Variants in RYR2 observed in about 807,000 individuals in gnomAD.
RYR2 encodes the protein cardiac muscle ryanodine receptor-calcium release channel.
RYR2 carries 227 observed loss-of-function variants against 601.1 expected under a neutral mutation model. That is an observed-to-expected ratio of 0.38 (90% CI 0.34 to 0.42). The LOEUF (loss-of-function observed/expected upper bound fraction) is 0.42, where lower values mean the gene tolerates loss of function less well. Ranked by LOEUF, RYR2 falls within the 10% of genes least tolerant of loss-of-function variation. The pLI is 1.00. For synonymous variants in RYR2, 2,223 were observed against 2,175.1 expected (o/e 1.02, Z -0.61); for missense variants, 4,646 against 6,156.5 (o/e 0.75, Z 8.21).
At chr1:237,781,725 A>G in intron 89 of RYR2, 79 bp downstream of exon 89, 1 of 673,396 alleles carries the variant, frequency 1.5e-6, no homozygotes. Context: ...ATCAGAGTGT[A>G]GCATAGAATA....
At chr1:237,455,223 C>T (rs895231964) in intron 15 of RYR2, among the ~76,000 whole-genome samples, 4 of 151,980 alleles carry the variant, frequency 2.6e-5, no homozygotes, top group Non-Finnish European at 5.9e-5. Context: ...TCAGGAGCTT[C>T]GTTGGAGACT....
chr1:237,094,144 T>C (rs1200976523), intron 1 of RYR2, among the ~76,000 whole-genome samples: 1 of 152,198 alleles, frequency 6.6e-6, no homozygotes, highest in Non-Finnish European at 1.5e-5. Flanking sequence ...GCTTTACAGA[T>C]AGAGGTGTTC....
chr1:237,674,060 T>A, intron 58 of RYR2, 36 bp from the exon 59 acceptor site: 1 of 1,570,728 alleles, frequency 6.4e-7, no homozygotes, highest in East Asian at 2.2e-5. Context: ...TCTTTTCAAA[T>A]TACTATGCTG....
chr1:237,363,934 C>G (rs1271587237), intron 4 of RYR2, among the ~76,000 whole-genome samples: 1 of 152,134 alleles, frequency 6.6e-6, no homozygotes, highest in African/African-American at 2.4e-5. Flanking sequence ...CTGTTTTAAT[C>G]TACTGTTTTT....
chr1:237,364,395 C>T (rs1700033280), intron 5 of RYR2, 23 bp downstream of exon 5: 1 of 1,382,282 alleles, frequency 7.2e-7, no homozygotes, highest in Non-Finnish European at 1.0e-6. Flanking sequence ...AATATATATG[C>T]TATGTATATA....
In RYR2 at chr1:237,678,094, A is replaced by T; in HGVS notation, c.8877A>T (p.Glu2959Asp). ...GAGAACATTTCCCTTATGAACAAGA[A>T]ATCAAGTTCTTTGCAAAAGTACAGT... is the stretch of plus-strand genomic sequence containing the variant. ...GKGEHFPYEQ[E>D]IKFFAKVVLP... is the part of the protein sequence containing the mutation. The change falls in exon 61 of 105, where the codon GAA becomes GAT. Residue 2959 changes from glutamate (E) to aspartate (D), a missense_variant. Physicochemically the swap from Glu to Asp is conservative, Grantham distance 45. This residue lies in a region of RYR2 where 1,497 missense variants were observed against 1,842.6 expected (regional missense o/e 0.81). Transcript: ENST00000366574. The T allele has an allele frequency of 6.3e-7, 1 of 1,598,098 alleles. No homozygotes were observed. Among genetic ancestry groups the T allele is most frequent in the Admixed American group, 1.7e-5 (1 of 59,376 alleles).
In RYR2 at chr1:237,631,728, C is replaced by T. The variant is rs202083224; in HGVS notation, c.6555+187C>T. Among the ~76,000 whole-genome samples, 22 of 144,096 alleles carry T rather than the reference C, an allele frequency of 1.5e-4. No homozygotes were observed. The East Asian group carries it at 3.8e-3, about 25-fold the overall frequency. 94.5% of individuals were successfully genotyped at this position (144,096 alleles called of 152,430 possible). A position where few individuals can be genotyped will look rare whatever the true frequency, so the allele number is the denominator to read the frequency against. ...CTGCAAGCTCCGCCTCCCGGGTTCA[C>T]GCCATTCTCCTGCCTCAGCCTCCCG... is the stretch of plus-strand genomic sequence containing the variant. On this transcript the variant is annotated intron_variant, in intron 42 of 104. Transcript: ENST00000366574.
At chr1:237,192,809 C>G (rs1180838712) in intron 1 of RYR2, among the ~76,000 whole-genome samples, 1 of 152,056 alleles carries the variant, frequency 6.6e-6, no homozygotes, top group Non-Finnish European at 1.5e-5. Flanking sequence ...AAATGTGCTT[C>G]TTCAATTAAT....
intron 1 of RYR2, among the ~76,000 whole-genome samples, chr1:237,155,561 G>A (rs1373683196): frequency 1.3e-5 from 2 of 152,108 alleles, no homozygotes; most frequent in African/African-American, 2.4e-5. Flanking sequence ...ACTAAAGGGA[G>A]ATACTTCCAG....
At chr1:237,794,018 G>A (rs776039484) in intron 95 of RYR2, 21 bp downstream of exon 95, 2 of 1,593,556 alleles carry the variant, frequency 1.3e-6, no homozygotes, top group South Asian at 1.1e-5. Flanking sequence ...AATTATATGA[G>A]ACTTTCTGCA....
chr1:237,622,248 C>T (rs1679153184), intron 38 of RYR2, among the ~76,000 whole-genome samples: 1 of 152,080 alleles, frequency 6.6e-6, no homozygotes, highest in South Asian at 2.1e-4. Context: ...GGTAAAGTTT[C>T]CCGCAGTTTA....
chr1:237,769,094 AAT>A (rs1450391070), intron 84 of RYR2, among the ~76,000 whole-genome samples: 2 of 152,224 alleles, frequency 1.3e-5, no homozygotes, highest in South Asian at 4.1e-4. Flanking sequence ...TTCTTTCACG[AAT>A]ATATGAACAC....
intron 101 of RYR2, among the ~76,000 whole-genome samples, chr1:237,822,115 A>G (rs774622694): frequency 7.9e-5 from 12 of 152,188 alleles, no homozygotes; most frequent in Non-Finnish European, 1.5e-4. Context: ...GATATCATCC[A>G]GGAGAACTTC....
At chr1:237,742,833 A>G (rs1453170276) in intron 80 of RYR2, among the ~76,000 whole-genome samples, 1 of 152,340 alleles carries the variant, frequency 6.6e-6, no homozygotes, top group East Asian at 1.9e-4. Context: ...GTTTGCTTGC[A>G]TGAGGTAGGA....
chr1:237,506,999 G>A (rs1665335057), intron 23 of RYR2, among the ~76,000 whole-genome samples, 185 bp downstream of exon 23: 3 of 152,166 alleles, frequency 2.0e-5, no homozygotes, highest in East Asian at 1.9e-4. Context: ...GGGCTGACAG[G>A]CATTATTGGC....
intron 1 of RYR2, among the ~76,000 whole-genome samples, chr1:237,126,092 C>A (rs1348359021): frequency 6.6e-6 from 1 of 152,152 alleles, no homozygotes; most frequent in Non-Finnish European, 1.5e-5. Flanking sequence ...CAAGAATTAG[C>A]CAGGCATGGT....
chr1:237,174,618 T>G (rs1209133705), intron 1 of RYR2, among the ~76,000 whole-genome samples: 1 of 152,218 alleles, frequency 6.6e-6, no homozygotes, highest in Admixed American at 6.5e-5. Flanking sequence ...ACTTGGTTTT[T>G]GTTTCCCCTT....
rs1681400368 is a variant in RYR2, at chr1:237,640,920, A to G, written c.7139A>G (p.Asp2380Gly). ...AGTGACACAGAGGAGGAGGAAGATG[A>G]CACTATCCACATGGGGAACGCGATC... is the stretch of plus-strand genomic sequence containing the variant. ...KTLDTEEEEDDTIHMGNAIMT... is the reference protein window; with the variant it reads ...KTLDTEEEEDGTIHMGNAIMT... The change falls in exon 47 of 105, where the codon GAC becomes GGC. Residue 2380 changes from aspartate (D) to glycine (G), a missense_variant. By Grantham distance (94) the Asp-to-Gly change is moderately conservative. Around this residue, in one of 17 missense-constraint regions of RYR2, gnomAD observed 1,497 missense variants for 1,842.6 expected, o/e 0.81. Coordinates refer to ENST00000366574, the MANE Select transcript of RYR2 (RefSeq NM_001035.3). The G allele has an allele frequency of 6.2e-7, 1 of 1,613,334 alleles. No individual in the cohort carries two copies. Among genetic ancestry groups the G allele is most frequent in the Admixed American group, 1.7e-5 (1 of 59,942 alleles).
intron 2 of RYR2, 123 bp from the exon 3 acceptor site, chr1:237,330,755 A>G: frequency 1.4e-6 from 1 of 729,988 alleles, no homozygotes. Flanking sequence ...ATGACTGGGG[A>G]ACTTGCAGTA....
Sources: gnomAD v4.1 joint callset for allele counts (sites outside exome capture counted in the v4.1 genomes callset) on GRCh38, gnomAD v4.1.1 for gene constraint, gnomAD v4.1.1 regional missense constraint, MANE v1.5 for transcripts, NCBI Gene and HGNC (gene_info 2026-07-23, HGNC 2026-07-21) for gene names.